The following RDX variants were observed in gnomAD, a reference collection of about 807,000 sequenced individuals.
RDX encodes deafness, autosomal recessive 24.
RDX carries 32 observed loss-of-function variants against 83.7 expected under a neutral mutation model. The observed-to-expected ratio is 0.38, with a 90% CI of 0.29 to 0.51. The LOEUF is 0.51. RDX is among the 20% of genes least tolerant of loss of function. The pLI, the probability that RDX is intolerant of heterozygous loss-of-function variation, is 0.87. For missense variants in RDX, 600 were observed against 689.9 expected (o/e 0.87, Z 1.46); for synonymous variants, 229 against 222.7 (o/e 1.03, Z -0.25).
At chr11:110,270,309 G>T (rs1293907220) in intron 3 of RDX, among the ~76,000 whole-genome samples, 7 of 152,128 alleles carry the variant, frequency 4.6e-5, no homozygotes. Context: ...TGTACAGCAT[G>T]TTACTATATT....
In RDX at chr11:110,280,299, A is replaced by G. The variant is rs1860705400; in HGVS notation, c.-64-543T>C. 1.3e-5 allele frequency among the ~76,000 whole-genome samples: 2 copies of G among 152,164 alleles called. 1 individual carries two copies. The highest frequency in any genetic ancestry group is 4.1e-4 in the South Asian group (2 of 4,836). On this transcript the variant is annotated intron_variant, in intron 1 of 13. Coordinates refer to ENST00000645495, the MANE Select transcript of RDX (RefSeq NM_002906.4). ...CATTCTGACATTCAGGCTGGAGTAC[A>G]GTGGTAACACCACAGCTCACTGCAG...
At position 110,255,318 on chromosome 11, in the gene RDX, CAA is replaced by C; in HGVS notation, c.764_765del (p.Phe255CysfsTer11). On this transcript the variant is annotated frameshift_variant, in exon 8 of 14. Coordinates refer to ENST00000645495, the MANE Select transcript of RDX (RefSeq NM_002906.4). LOFTEE classifies it high-confidence loss of function. ...GCCTTTTTGTCGATTGGCTTTATAA[CAA>C]ATTTTTTGTCATTAAATGAAATATT... ...IRNISFNDKK[F>X]VIKPIDKKAP... The C allele has an allele frequency of 6.3e-7, 1 of 1,588,786 alleles. No homozygotes were observed. The highest frequency in any genetic ancestry group is 1.1e-5 in the South Asian group (1 of 90,444).
chr11:110,235,317 G>A (rs1193329607), intron 12 of RDX, among the ~76,000 whole-genome samples: 1 of 152,110 alleles, frequency 6.6e-6, no homozygotes, highest in Non-Finnish European at 1.5e-5. Context: ...TCCAGCCTGG[G>A]ACACAGAGTA....
intron 15 of RDX, among the ~76,000 whole-genome samples, chr11:110,187,070 G>T (rs1863002321): frequency 6.6e-6 from 1 of 152,210 alleles, no homozygotes; most frequent in Non-Finnish European, 1.5e-5. Context: ...TGGGCAAAAA[G>T]ATTTGTAGTC....
At chr11:110,190,437 GA>G (rs1863081598) in intron 15 of RDX, among the ~76,000 whole-genome samples, 1 of 152,166 alleles carries the variant, frequency 6.6e-6, no homozygotes, top group African/African-American at 2.4e-5. Context: ...CCAGGTGATA[GA>G]GAGCAAGTCT....
At position 110,257,753 on chromosome 11, in the gene RDX, A is replaced by G. The variant is rs367814331; in HGVS notation, c.698+14T>C. 94 of 1,611,144 alleles carry G rather than the reference A, an allele frequency of 5.8e-5. 1 individual carries two copies. The highest frequency in any genetic ancestry group is 7.6e-5 in the Non-Finnish European group (90 of 1,179,330). ...TGAACAATGACTAGTTCACTATGCA[A>G]CTAATTTACTTACTTGTCGTCATGC... is the stretch of plus-strand genomic sequence containing the variant. On this transcript the variant is annotated intron_variant, in intron 7 of 13. Transcript: ENST00000645495.
At chr11:110,198,565 A>C (rs1469158106) in intron 15 of RDX, among the ~76,000 whole-genome samples, 1 of 152,154 alleles carries the variant, frequency 6.6e-6, no homozygotes, top group Non-Finnish European at 1.5e-5. Context: ...TTAGATTCTC[A>C]AAGGAGCGAA....
intron 15 of RDX, among the ~76,000 whole-genome samples, chr11:110,184,097 C>G (rs1248369713): frequency 6.6e-6 from 1 of 152,202 alleles, no homozygotes; most frequent in Non-Finnish European, 1.5e-5. Context: ...TGTAGAATAA[C>G]AGGAGGGAGA....
intron 11 of RDX, 76 bp from the exon 12 acceptor site, chr11:110,236,267 C>T (rs1260154057): frequency 9.3e-7 from 1 of 1,079,050 alleles, no homozygotes; most frequent in African/African-American, 1.6e-5. Context: ...AGTTTTAATG[C>T]ACATGCTTAG....
intron 14 of RDX, among the ~76,000 whole-genome samples, chr11:110,207,666 A>T (rs1343850136): frequency 6.6e-6 from 1 of 152,126 alleles, no homozygotes; most frequent in African/African-American, 2.4e-5. Flanking sequence ...TGACACATGA[A>T]TTGTATGAAA....
chr11:110,223,381 T>C (rs947854180), intron 14 of RDX, among the ~76,000 whole-genome samples: 5 of 151,274 alleles, frequency 3.3e-5, no homozygotes, highest in African/African-American at 9.7e-5. Context: ...ACAAAAAAAT[T>C]AGCCAGGCAT....
rs765061992 is a variant in RDX, at chr11:110,264,099, T to A, written c.328A>T (p.Ile110Phe). The change falls in exon 5 of 14, where the codon ATC becomes TTC. Residue 110 changes from isoleucine to phenylalanine, a missense_variant. Physicochemically the swap from Ile to Phe is conservative, Grantham distance 21 (BLOSUM62 0). Transcript: ENST00000645495. ...GGGCAATATATCTCATCATTTAAGATGGCTTCTTTAACTTGCAAGAAGAAG... is the reference window on the plus strand; with the variant it reads ...GGGCAATATATCTCATCATTTAAGAAGGCTTCTTTAACTTGCAAGAAGAAG... The part of the protein sequence containing the change: ...RLFFLQVKEA[I>F]LNDEIYCPPE... 3 of 1,614,012 alleles carry A rather than the reference T, an allele frequency of 1.9e-6. No individual in the cohort carries two copies. In the South Asian group the frequency reaches 3.3e-5, roughly 18 times the overall value.
chr11:110,281,938 C>CAAA (rs750336725), intron 1 of RDX, among the ~76,000 whole-genome samples: 4 of 91,222 alleles, frequency 4.4e-5, no homozygotes, highest in Admixed American at 1.3e-4. Flanking sequence ...CCATCTCTAT[C>CAAA]AAAAAAAAAA....
intron 14 of RDX, among the ~76,000 whole-genome samples, chr11:110,221,264 AC>A (rs377524461): frequency 6.6e-5 from 10 of 151,408 alleles, no homozygotes; most frequent in African/African-American, 9.7e-5. Context: ...CCTAGGCTGT[AC>A]CCCCCCCAAA....
chr11:110,271,891 C>A (rs139653484), intron 3 of RDX, among the ~76,000 whole-genome samples: 109 of 152,214 alleles, frequency 7.2e-4, no homozygotes, highest in Middle Eastern at 3.4e-3. Flanking sequence ...AAATCTGAAA[C>A]CTCTTCAGTA....
At chr11:110,198,597 C>A (rs775907461) in intron 15 of RDX, among the ~76,000 whole-genome samples, 4 of 152,096 alleles carry the variant, frequency 2.6e-5, no homozygotes, top group Non-Finnish European at 5.9e-5. Context: ...ATTGTGCATG[C>A]GAGGGTTCCA....
At chr11:110,265,116 T>C (rs1411710690) in intron 3 of RDX, among the ~76,000 whole-genome samples, 1 of 150,340 alleles carries the variant, frequency 6.7e-6, no homozygotes, top group Non-Finnish European at 1.5e-5. Flanking sequence ...TTTGTTTTTT[T>C]TTTTTTTGTT....
chr11:110,272,865 T>C (rs1860360178), intron 2 of RDX: 1 of 523,040 alleles, frequency 1.9e-6, no homozygotes, highest in South Asian at 1.7e-5. Context: ...TACTAGGAGA[T>C]ACTACCTTTA....
At chr11:110,268,849 T>G (rs559156607) in intron 3 of RDX, among the ~76,000 whole-genome samples, 5 of 151,980 alleles carry the variant, frequency 3.3e-5, no homozygotes, top group African/African-American at 1.2e-4. Context: ...CTTTTAGAAG[T>G]GAATCTGCTT....
Sources: gnomAD v4.1 joint callset for allele counts (sites outside exome capture counted in the v4.1 genomes callset) on GRCh38, gnomAD v4.1.1 for gene constraint, MANE v1.5 for transcripts, NCBI Gene and HGNC (gene_info 2026-07-23, HGNC 2026-07-21) for gene names.